FAF1: variants seen among roughly 807,000 people sequenced by gnomAD.
FAF1 encodes the protein FAS-associated factor 1.
Under a neutral mutation model 92.5 loss-of-function variants are expected in FAF1, and 25 were observed. The ratio of observed to expected loss-of-function variants is 0.27; its 90% CI spans 0.20 to 0.38. The LOEUF is 0.38. Among genes scored for constraint, FAF1 ranks in the 10% least tolerant of loss-of-function variants. The probability of loss-of-function intolerance (pLI) is 1.00; values close to 1 mark genes in which losing one functional copy is unlikely to be tolerated. For missense variants in FAF1, 636 were observed against 793.3 expected, an observed-to-expected ratio of 0.80 and a Z score of 2.38; for synonymous variants, 234 against 273.2, an observed-to-expected ratio of 0.86 and a Z score of 1.42.
intron 6 of FAF1, among the ~76,000 whole-genome samples, chr1:50,736,136 C>T (rs996530223): frequency 5.3e-5 from 8 of 152,100 alleles, no homozygotes; most frequent in African/African-American, 7.2e-5. Flanking sequence ...AGGTAATATA[C>T]GCCAATGCAA....
intron 2 of FAF1, among the ~76,000 whole-genome samples, chr1:50,811,043 A>G (rs72902778): frequency 0.067 from 10,126 of 152,172 alleles, 416 homozygotes; most frequent in East Asian, 0.095. Context: ...ACTCTGTCTC[A>G]AAAAACATGG....
intron 4 of FAF1, among the ~76,000 whole-genome samples, chr1:50,754,968 C>T (rs776594057): frequency 6.6e-6 from 1 of 152,102 alleles, no homozygotes; most frequent in Non-Finnish European, 1.5e-5. Context: ...TTACCTCCCA[C>T]AAGGTCCCTC....
chr1:50,784,446 T>G, intron 4 of FAF1, among the ~76,000 whole-genome samples: 1 of 152,106 alleles, frequency 6.6e-6, no homozygotes, highest in South Asian at 2.1e-4. Flanking sequence ...CCATTTACAA[T>G]AGCTTCAAAA....
intron 5 of FAF1, among the ~76,000 whole-genome samples, chr1:50,743,337 C>CT (rs960003873): frequency 9.9e-5 from 15 of 151,878 alleles, no homozygotes; most frequent in African/African-American, 3.4e-4. Flanking sequence ...TTTTATTTAT[C>CT]TTTTTTTTGA....
intron 1 of FAF1, among the ~76,000 whole-genome samples, chr1:50,936,751 G>T (rs779528769): frequency 6.6e-6 from 1 of 152,052 alleles, no homozygotes; most frequent in Non-Finnish European, 1.5e-5. Context: ...GCGGTAGAGT[G>T]GAAAGGAAAA....
intron 1 of FAF1, among the ~76,000 whole-genome samples, chr1:50,922,111 G>A (rs1239761604): frequency 2.0e-5 from 3 of 149,604 alleles, no homozygotes; most frequent in Non-Finnish European, 4.4e-5. Context: ...AGGTTGCAGT[G>A]AGCTGAGATC....
intron 8 of FAF1, among the ~76,000 whole-genome samples, chr1:50,630,644 A>C (rs1351205269): frequency 6.6e-6 from 1 of 152,106 alleles, no homozygotes; most frequent in East Asian, 1.9e-4. Context: ...ACATAATATT[A>C]AAGACCTTCT....
chr1:50,577,987 T>C (rs1650828722), intron 12 of FAF1, among the ~76,000 whole-genome samples: 1 of 152,216 alleles, frequency 6.6e-6, no homozygotes, highest in African/African-American at 2.4e-5. Context: ...CAGTTTTCAT[T>C]AAGATGGATT....
At chr1:50,480,017 C>T (rs577573782) in intron 17 of FAF1, among the ~76,000 whole-genome samples, 176 of 152,296 alleles carry the variant, frequency 1.2e-3, no homozygotes, top group Non-Finnish European at 1.8e-3. Flanking sequence ...TACACTCAAA[C>T]GAGTCATGGT....
intron 17 of FAF1, among the ~76,000 whole-genome samples, chr1:50,484,806 G>C (rs1030506891): frequency 6.6e-6 from 1 of 151,884 alleles, no homozygotes; most frequent in African/African-American, 2.4e-5. Context: ...TTATACGTTA[G>C]GTAAAAATTT....
intron 15 of FAF1, among the ~76,000 whole-genome samples, chr1:50,510,990 T>A (rs181349219): frequency 6.6e-6 from 1 of 152,180 alleles, no homozygotes; most frequent in Non-Finnish European, 1.5e-5. Context: ...ATTTTATCTA[T>A]TAAAAAGTCC....
intron 8 of FAF1, among the ~76,000 whole-genome samples, chr1:50,626,602 G>A (rs982327886): frequency 1.4e-4 from 22 of 152,156 alleles, no homozygotes; most frequent in African/African-American, 5.3e-4. Flanking sequence ...CTACTTTGCA[G>A]AAGTAAGCAA....
chr1:50,736,746 C>T (rs1008913996), intron 6 of FAF1, among the ~76,000 whole-genome samples: 2 of 150,660 alleles, frequency 1.3e-5, no homozygotes, highest in Non-Finnish European at 3.0e-5. Flanking sequence ...AGCGAAACTC[C>T]GTCTCCAAAA....
intron 14 of FAF1, 111 bp downstream of exon 14, chr1:50,539,481 T>G (rs1648656008): frequency 2.9e-6 from 2 of 680,736 alleles, no homozygotes; most frequent in Admixed American, 3.7e-5. Context: ...ATATTCTATA[T>G]TTTCAAATGC....
At chr1:50,572,259 T>C (rs1040282557) in intron 12 of FAF1, among the ~76,000 whole-genome samples, 4 of 152,208 alleles carry the variant, frequency 2.6e-5, no homozygotes, top group Admixed American at 2.0e-4. Context: ...TTTTAATACT[T>C]CCCTGAAACA....
chr1:50,625,148 C>T (rs772313198), intron 8 of FAF1, among the ~76,000 whole-genome samples: 9 of 152,256 alleles, frequency 5.9e-5, no homozygotes, highest in Non-Finnish European at 8.8e-5. Flanking sequence ...GATCCACCCA[C>T]CTCAGCTTCC....
chr1:50,451,584 T>C (rs1262118831), intron 18 of FAF1, among the ~76,000 whole-genome samples: 2 of 152,234 alleles, frequency 1.3e-5, no homozygotes, highest in East Asian at 3.8e-4. Flanking sequence ...CTATTTATTC[T>C]AAGTCCCTTG....
intron 6 of FAF1, among the ~76,000 whole-genome samples, chr1:50,717,038 C>T (rs1658206569): frequency 6.6e-6 from 1 of 152,224 alleles, no homozygotes; most frequent in Admixed American, 6.5e-5. Context: ...AAATTCCGTA[C>T]ACATCTGAAG....
At chr1:50,841,555 C>A (rs1322875931) in intron 2 of FAF1, among the ~76,000 whole-genome samples, 1 of 151,848 alleles carries the variant, frequency 6.6e-6, no homozygotes, top group Non-Finnish European at 1.5e-5. Flanking sequence ...AGAAGAAATA[C>A]AGGATAAACC....
Sources: allele counts gnomAD v4.1 joint callset (sites outside exome capture counted in the v4.1 genomes callset), GRCh38; gene constraint gnomAD v4.1.1; transcripts MANE v1.5; gene names NCBI Gene and HGNC (gene_info 2026-07-23, HGNC 2026-07-21).